The following RTN3 variants were observed in gnomAD, a reference collection of about 807,000 sequenced individuals.
The protein encoded by RTN3 is reticulon 3.
RTN3 carries 49 observed loss-of-function variants against 77.8 expected under a neutral mutation model. The ratio of observed to expected loss-of-function variants is 0.63; its 90% CI spans 0.50 to 0.80. The LOEUF (loss-of-function observed/expected upper bound fraction) is 0.80. Among genes scored for constraint, RTN3 ranks in the 30% least tolerant of loss-of-function variants. The pLI is 0.00. For missense variants in RTN3, 1,236 were observed against 1,211.9 expected (o/e 1.02, Z -0.29); for synonymous variants, 464 against 446.9 (o/e 1.04, Z -0.48).
chr11:63,681,520 C>A lies in RTN3; in HGVS notation c.-117C>A. ...CAGTCAGTCTGTCGGAGTCTGTCCT[C>A]GGAGCAGGCGGAGTAAAGGGACTTG... On this transcript the variant is annotated 5_prime_UTR_variant, in exon 1 of 9. Transcript: ENST00000377819. The A allele has an allele frequency of 9.1e-7, 1 of 1,103,392 alleles. No homozygotes were observed. The highest frequency in any genetic ancestry group is 2.8e-5 in the East Asian group (1 of 35,142). 68.4% of individuals were successfully genotyped at this position (1,103,392 alleles called of 1,614,324 possible).
chr11:63,755,651 CAAAAAAAAAAAAAAA>C (rs776039864), intron 7 of RTN3, among the ~76,000 whole-genome samples: 2 of 17,064 alleles, frequency 1.2e-4, no homozygotes, highest in Non-Finnish European at 2.1e-4. Flanking sequence ...AATTCCATCT[CAAAAAAAAAAAAAAA>C]AAAAAAAAAA....
chr11:63,756,048 G>A (rs928131882), intron 7 of RTN3, 64 bp from the exon 8 acceptor site: 71 of 1,107,340 alleles, frequency 6.4e-5, no homozygotes, highest in Non-Finnish European at 8.8e-5. Context: ...CAAAAGAGCC[G>A]TGCCTTCAGG....
rs2011616975 is a variant in RTN3 at position 63,719,702 on chromosome 11, A to G, written c.1200A>G (p.Lys400=). Residue 400 remains lysine, a synonymous_variant, in exon 3 of 9, where the codon AAA becomes AAG. Transcript: ENST00000377819. ...CSIDGSTPIT[K]STGDWAEASL... is the part of the protein sequence containing the mutation. The stretch of plus-strand genomic sequence containing the variant: ...TTGATGGGAGCACTCCCATCACTAA[A>G]TCAACAGGTGATTGGGCAGAAGCAT... 6.2e-7 allele frequency: 1 copy of G among 1,614,176 alleles called. No homozygotes were observed. The highest frequency in any genetic ancestry group is 1.7e-5 in the Admixed American group (1 of 60,014).
chr11:63,757,722 C>CTTTTT (rs71039672), intron 8 of RTN3, among the ~76,000 whole-genome samples: 1 of 106,352 alleles, frequency 9.4e-6, no homozygotes, highest in Non-Finnish European at 2.0e-5. Context: ...TTCTTTTTTT[C>CTTTTT]TTTTTTTTTT....
chr11:63,697,344 C>T (rs951329477), intron 1 of RTN3, among the ~76,000 whole-genome samples: 7 of 151,126 alleles, frequency 4.6e-5, no homozygotes, highest in Middle Eastern at 3.4e-3. Flanking sequence ...CTCACTCTGT[C>T]GCCCAGGCTG....
intron 2 of RTN3, among the ~76,000 whole-genome samples, chr11:63,710,628 G>T (rs2011137178): frequency 6.6e-6 from 1 of 152,134 alleles, no homozygotes; most frequent in South Asian, 2.1e-4. Flanking sequence ...CGTGACAGTG[G>T]CTCCTCCTGT....
At chr11:63,707,229 G>A (rs1442918678) in intron 2 of RTN3, among the ~76,000 whole-genome samples, 1 of 151,934 alleles carries the variant, frequency 6.6e-6, no homozygotes, top group Non-Finnish European at 1.5e-5. Context: ...AAAAGGGATA[G>A]TTGATACTCT....
In RTN3 at chr11:63,719,968, G is replaced by A. The variant is rs756116227; in HGVS notation, c.1466G>A (p.Gly489Glu). 4.3e-6 allele frequency: 7 copies of A among 1,614,144 alleles called. No individual in the cohort carries two copies. In the South Asian group the frequency reaches 4.4e-5, roughly 10 times the overall value. The change falls in exon 3 of 9, where the codon GGA (glycine) becomes GAA (glutamate). Residue 489 changes from glycine to glutamate, a missense_variant. Coordinates refer to ENST00000377819, the MANE Select transcript of RTN3 (RefSeq NM_001265589.2). ...DEMDWQSSAL[G>E]EITEADSSGE... ...ATGGACTGGCAGAGCTCTGCATTGG[G>A]AGAAATCACAGAAGCTGATAGTTCT... is the stretch of plus-strand genomic sequence containing the variant.
At chr11:63,694,989 T>C (rs547663386) in intron 1 of RTN3, among the ~76,000 whole-genome samples, 2 of 152,346 alleles carry the variant, frequency 1.3e-5, no homozygotes, top group Admixed American at 1.3e-4. Context: ...TCTTAGTAAC[T>C]ACTACATTAA....
Position 63,720,326 on chromosome 11 carries a change from C to T in RTN3, c.1824C>T (p.Asn608=), listed in dbSNP as rs140444047. The change falls in exon 3 of 9, where the codon AAC becomes AAT. Residue 608 remains asparagine (N), a synonymous_variant. Transcript: ENST00000377819. ...CTGAAAAGCCTATTACTACTGAGAA[C>T]CCCAAACTTCCTTCAACAGTGTCTC... ...VAPEKPITTE[N]PKLPSTVSPN... is the part of the protein sequence containing the mutation. 9.4e-5 allele frequency: 152 copies of T among 1,613,826 alleles called. No individual in the cohort carries two copies. The African/African-American group carries it at 1.6e-3, about 17-fold the overall frequency.
At position 63,719,904 on chromosome 11, in the gene RTN3, G is replaced by A. The variant is rs907245164; in HGVS notation, c.1402G>A (p.Val468Met). 5 of 1,614,038 alleles carry A rather than the reference G, an allele frequency of 3.1e-6. No individual in the cohort carries two copies. The highest frequency in any genetic ancestry group is 2.7e-5 in the African/African-American group (2 of 74,926). ...CTCTTTGGGTTCTGGAGTGGCCACA[G>A]TGAAAGTGGTTTTACCTGATGACCA... ...CDSLGSGVATVKVVLPDDHLK... is the reference protein window; with the variant it reads ...CDSLGSGVATMKVVLPDDHLK... The change falls in exon 3 of 9, where the codon GTG becomes ATG. Residue 468 changes from valine to methionine, a missense_variant. Physicochemically the swap from Val to Met is conservative, Grantham distance 21 (BLOSUM62 1). This residue lies in a region of RTN3 where 1,056 missense variants were observed against 990.4 expected (regional missense o/e 1.07). Coordinates refer to ENST00000377819, the MANE Select transcript of RTN3 (RefSeq NM_001265589.2).
At position 63,750,184 on chromosome 11, in the gene RTN3, A is replaced by C. The variant is rs200360547; in HGVS notation, c.2724A>C (p.Glu908Asp). 75 of 1,611,950 alleles carry C rather than the reference A, an allele frequency of 4.7e-5. No homozygotes were observed. The East Asian group carries it at 1.6e-3, about 34-fold the overall frequency. Residue 908 changes from glutamate (E) to aspartate (D), a missense_variant, in exon 4 of 9, where the codon GAA (glutamate) becomes GAC (aspartate). Transcript: ENST00000377819. ...TCCAAGCTGTACAGAAGTCAGAAGA[A>C]GGCCATCCATTCAAGTGAGTTGAAG... Reference protein sequence around the residue: ...SVIQAVQKSEEGHPFKAYLDV... With the variant: ...SVIQAVQKSEDGHPFKAYLDV...
At chr11:63,746,937 C>T (rs755958235) in intron 3 of RTN3, 2 of 455,828 alleles carry the variant, frequency 4.4e-6, no homozygotes, top group Non-Finnish European at 4.4e-6. Flanking sequence ...TGTGTTTACC[C>T]CTTTTCCAGA....
At chr11:63,736,209 G>T (rs768152031) in intron 3 of RTN3, among the ~76,000 whole-genome samples, 9 of 152,076 alleles carry the variant, frequency 5.9e-5, no homozygotes, top group Non-Finnish European at 1.2e-4. Context: ...GTCAGCTGGG[G>T]AAATCATGCT....
intron 1 of RTN3, among the ~76,000 whole-genome samples, chr11:63,696,525 T>C (rs1484245238): frequency 6.7e-6 from 1 of 148,198 alleles, no homozygotes; most frequent in African/African-American, 2.5e-5. Context: ...TTGGATAACA[T>C]AGTGGGGCCC....
At chr11:63,746,042 C>T (rs1355094073) in intron 3 of RTN3, among the ~76,000 whole-genome samples, 1 of 152,194 alleles carries the variant, frequency 6.6e-6, no homozygotes, top group Admixed American at 6.5e-5. Flanking sequence ...AACTCCTAAC[C>T]GCAAGTGATC....
chr11:63,748,737 G>A (rs888594982), intron 3 of RTN3, among the ~76,000 whole-genome samples: 22 of 147,496 alleles, frequency 1.5e-4, no homozygotes, highest in African/African-American at 5.1e-4. Flanking sequence ...GCGCGATCTC[G>A]GCTCACTGCA....
chr11:63,737,335 G>A (rs2013193233), intron 3 of RTN3, among the ~76,000 whole-genome samples: 1 of 152,172 alleles, frequency 6.6e-6, no homozygotes, highest in African/African-American at 2.4e-5. Context: ...GGCCAGGCAT[G>A]CCGGTGTCTC....
chr11:63,750,424 A>AGAG, intron 4 of RTN3: 2 of 528,018 alleles, frequency 3.8e-6, no homozygotes, highest in East Asian at 6.3e-5. Flanking sequence ...TGAAGTTCAA[A>AGAG]GAGGGAGTCC....
Sources: allele counts gnomAD v4.1 joint callset (sites outside exome capture counted in the v4.1 genomes callset), GRCh38; gene constraint gnomAD v4.1.1; regional missense constraint gnomAD v4.1.1; transcripts MANE v1.5; gene names NCBI Gene and HGNC (gene_info 2026-07-23, HGNC 2026-07-21).